SPECC1: variants seen among roughly 807,000 people sequenced by gnomAD.
The protein encoded by SPECC1 is sperm antigen with calponin homology and coiled-coil domains 1, also known as cytospin-B.
Under a neutral mutation model 104.1 loss-of-function variants are expected in SPECC1, and 62 were observed. The ratio of observed to expected loss-of-function variants is 0.60; its 90% CI spans 0.49 to 0.74. SPECC1 has a LOEUF of 0.74. SPECC1 is among the 30% of genes least tolerant of loss of function. The probability of loss-of-function intolerance (pLI) is 0.00; values close to 1 mark genes in which losing one functional copy is unlikely to be tolerated. For missense variants in SPECC1, 1,306 were observed against 1,310.5 expected (o/e 1.00, Z 0.05); for synonymous variants, 513 against 501.6 (o/e 1.02, Z -0.30).
At chr17:20,298,981 A>T (rs139929076) in intron 13 of SPECC1, among the ~76,000 whole-genome samples, 29,550 of 76,124 alleles carry the variant, frequency 0.39, 6,058 homozygotes, top group East Asian at 0.76. Context: ...GTATGTAGAG[A>T]GAGAGAGAGA....
At chr17:20,211,874 C>G (rs2037175171) in intron 4 of SPECC1, among the ~76,000 whole-genome samples, 1 of 152,208 alleles carries the variant, frequency 6.6e-6, no homozygotes, top group Non-Finnish European at 1.5e-5. Flanking sequence ...ACGTTAATGC[C>G]TTTTGTGAGG....
chr17:20,052,694 CCAAT>C (rs1395549774), intron 1 of SPECC1, among the ~76,000 whole-genome samples: 1 of 152,078 alleles, frequency 6.6e-6, no homozygotes, highest in African/African-American at 2.4e-5. Flanking sequence ...GATACGTGGC[CCAAT>C]CAAACACTAT....
intron 12 of SPECC1, among the ~76,000 whole-genome samples, chr17:20,272,529 A>G (rs1167451143): frequency 1.3e-5 from 2 of 152,204 alleles, no homozygotes; most frequent in East Asian, 1.9e-4. Flanking sequence ...TTAAACACTA[A>G]TCTGACATTC....
chr17:20,274,738 C>A (rs1055258672), intron 12 of SPECC1, among the ~76,000 whole-genome samples: 1 of 151,560 alleles, frequency 6.6e-6, no homozygotes, highest in African/African-American at 2.4e-5. Context: ...CCTTGGCTTC[C>A]CAAAGTGCTA....
At chr17:20,090,301 G>A (rs902658320) in intron 1 of SPECC1, among the ~76,000 whole-genome samples, 8 of 152,140 alleles carry the variant, frequency 5.3e-5, no homozygotes, top group African/African-American at 1.9e-4. Context: ...GGGAGGGAGA[G>A]GATGCGTATG....
chr17:20,022,404 G>A (rs1218017165), intron 1 of SPECC1, among the ~76,000 whole-genome samples: 2 of 152,088 alleles, frequency 1.3e-5, no homozygotes. Flanking sequence ...TTAGACATTA[G>A]CCCCTTGTTG....
At chr17:20,058,991 CA>C (rs111589783) in intron 1 of SPECC1, among the ~76,000 whole-genome samples, 3,751 of 151,404 alleles carry the variant, frequency 0.025, 155 homozygotes, top group African/African-American at 0.085. Flanking sequence ...AGGTGCCCAC[CA>C]CCACACCCGG....
chr17:20,231,970 CAGGAAGTAAAATCAAAGGAGTCATTTGGT>C, intron 6 of SPECC1, 139 bp downstream of exon 6: 1 of 993,438 alleles, frequency 1.0e-6, no homozygotes, highest in Middle Eastern at 2.2e-4. Context: ...TTCTTGTTGG[CAGGAAGTAAAATCAAAGGAGTCATTTGGT>C]GTCAGGATGG....
chr17:20,054,170 T>TA (rs1317714367), intron 1 of SPECC1, among the ~76,000 whole-genome samples: 1 of 152,208 alleles, frequency 6.6e-6, no homozygotes, highest in South Asian at 2.1e-4. Flanking sequence ...CATACTGCCA[T>TA]AAAAAATCAT....
At chr17:20,239,143 C>A in intron 7 of SPECC1, 1 of 1,027,654 alleles carries the variant, frequency 9.7e-7, no homozygotes, top group Non-Finnish European at 1.2e-6. Context: ...ACTCTAGGGT[C>A]TCAGAAAATA....
At chr17:20,293,497 G>A (rs767647356) in intron 12 of SPECC1, among the ~76,000 whole-genome samples, 1 of 152,180 alleles carries the variant, frequency 6.6e-6, no homozygotes, top group Admixed American at 6.5e-5. Flanking sequence ...GTTGCATTTG[G>A]CCATCTGGGC....
chr17:20,301,850 C>G (rs140126109), intron 13 of SPECC1, among the ~76,000 whole-genome samples: 39 of 152,174 alleles, frequency 2.6e-4, no homozygotes, highest in African/African-American at 9.4e-4. Flanking sequence ...TGACTACAGG[C>G]ACACGGCACT....
chr17:20,236,747 T>C, intron 7 of SPECC1: 2 of 1,418,158 alleles, frequency 1.4e-6, no homozygotes, highest in Non-Finnish European at 9.8e-7. Context: ...TCCTGGACAT[T>C]AGCTTTTCCC....
chr17:20,228,648 T>A (rs528583876), intron 5 of SPECC1, among the ~76,000 whole-genome samples: 34 of 152,312 alleles, frequency 2.2e-4, no homozygotes, highest in African/African-American at 7.9e-4. Context: ...GAGAAAACAA[T>A]TCCCGCATGT....
intron 3 of SPECC1, among the ~76,000 whole-genome samples, chr17:20,197,986 C>T (rs1211570220): frequency 2.0e-5 from 3 of 152,224 alleles, no homozygotes; most frequent in Admixed American, 6.5e-5. Context: ...AGAAATCTGA[C>T]TGGCAAGAAA....
At position 20,278,720 on chromosome 17, in the gene SPECC1, T is replaced by TC. The variant is rs201319703; in HGVS notation, c.2941-18241_2941-18240insC. Among the ~76,000 whole-genome samples, 4 of 144,802 alleles carry TC rather than the reference T, an allele frequency of 2.8e-5. No homozygotes were observed. In the East Asian group the frequency reaches 6.1e-4, roughly 22 times the overall value. The allele number at this position is 144,802 out of a possible 152,430, so 95.0% of individuals were successfully genotyped here. Reference sequence around the variant, plus strand: ...CCCTGTCTCTCTCTCTCTCTCTCTCTTTTTTTTTTTAAAGGTTCTTACCAT... The same window carrying TC: ...CCCTGTCTCTCTCTCTCTCTCTCTCTCTTTTTTTTTTAAAGGTTCTTACCAT... On this transcript the variant is annotated intron_variant, in intron 12 of 14. Transcript: ENST00000395527.
At chr17:20,225,010 T>C (rs1338780287) in intron 4 of SPECC1, among the ~76,000 whole-genome samples, 2 of 152,226 alleles carry the variant, frequency 1.3e-5, no homozygotes, top group Non-Finnish European at 2.9e-5. Flanking sequence ...AGGTGATGAA[T>C]GCTGCCAGGA....
chr17:20,141,364 G>A (rs2030779283), intron 3 of SPECC1, among the ~76,000 whole-genome samples: 1 of 152,134 alleles, frequency 6.6e-6, no homozygotes, highest in African/African-American at 2.4e-5. Flanking sequence ...TATGGGCGAT[G>A]CTGTCCCCTT....
At chr17:20,077,490 G>A (rs890876666) in intron 1 of SPECC1, among the ~76,000 whole-genome samples, 1 of 151,472 alleles carries the variant, frequency 6.6e-6, no homozygotes, top group Admixed American at 6.6e-5. Context: ...TTTTTGAGAT[G>A]GAGTTTTGCT....
Sources: gnomAD v4.1 joint callset for allele counts (sites outside exome capture counted in the v4.1 genomes callset) on GRCh38, gnomAD v4.1.1 for gene constraint, MANE v1.5 for transcripts, NCBI Gene and HGNC (gene_info 2026-07-23, HGNC 2026-07-21) for gene names.